VPS26C: variants seen among roughly 807,000 people sequenced by gnomAD.
VPS26C encodes the protein VPS26 endosomal protein sorting factor C, also known as vacuolar protein sorting-associated protein 26C.
In VPS26C, 19 loss-of-function variants were observed where a neutral mutation model predicts 30.6. The ratio of observed to expected loss-of-function variants is 0.62; its 90% CI spans 0.43 to 0.91. The LOEUF (loss-of-function observed/expected upper bound fraction) is 0.91, where lower values mean the gene tolerates loss of function less well. Among genes scored for constraint, VPS26C ranks in the 40% least tolerant of loss-of-function variants. The pLI is 0.00. For synonymous variants in VPS26C, 132 were observed against 151.5 expected, an observed-to-expected ratio of 0.87 and a Z score of 0.95; for missense variants, 318 against 385.1, an observed-to-expected ratio of 0.83 and a Z score of 1.46.
chr21:37,238,287 T>G, intron 3 of VPS26C, 173 bp downstream of exon 3: 1 of 712,856 alleles, frequency 1.4e-6, no homozygotes, highest in Non-Finnish European at 2.2e-6. Context: ...CGGCCATACA[T>G]CAAATGCATT....
Position 37,227,607 on chromosome 21 carries a change from G to A in VPS26C, c.811+47C>T, listed in dbSNP as rs776086874. On this transcript the variant is annotated intron_variant, in intron 7 of 7. Transcript: ENST00000309117. ...CCCACAGCAGGCCCTGGCGCTGAGC[G>A]GCCCTTCCCATGGGCCCATGAGGGC... 33 of 1,583,226 alleles carry A rather than the reference G, an allele frequency of 2.1e-5. No individual in the cohort carries two copies. The Admixed American group carries it at 2.3e-4, about 11-fold the overall frequency.
At chr21:37,228,525 A>G (rs1462720154) in intron 5 of VPS26C, 152 bp from the exon 6 acceptor site, 1 of 763,636 alleles carries the variant, frequency 1.3e-6, no homozygotes, top group Non-Finnish European at 2.1e-6. Flanking sequence ...GGAGCGAAGT[A>G]CTGACGTCTT....
rs1373754627 is a variant in VPS26C, at chr21:37,227,706, G to A, written c.759C>T (p.Val253=). 1 of 1,614,170 alleles carries A rather than the reference G, an allele frequency of 6.2e-7. No homozygotes were observed. Among genetic ancestry groups the A allele is most frequent in the East Asian group, 2.2e-5 (1 of 44,868 alleles). Reference sequence around the variant, plus strand: ...TAGGGCAGGTGAACAGCCTAGGGAAGACCATGTAGATGGGGACAGAGAGGC... The same window carrying A: ...TAGGGCAGGTGAACAGCCTAGGGAAAACCATGTAGATGGGGACAGAGAGGC... The part of the protein sequence containing the change: ...CRGLSVPIYM[V]FPRLFTCPTL... Residue 253 remains valine, a synonymous_variant, in exon 7 of 8, where the codon GTC becomes GTT. Coordinates refer to ENST00000309117, the MANE Select transcript of VPS26C (RefSeq NM_006052.2).
At chr21:37,241,124 C>T (rs1275152349) in intron 1 of VPS26C, among the ~76,000 whole-genome samples, 5 of 152,320 alleles carry the variant, frequency 3.3e-5, no homozygotes, top group South Asian at 2.1e-4. Flanking sequence ...TAATTTAACA[C>T]GATGGTTAGC....
intron 1 of VPS26C, among the ~76,000 whole-genome samples, chr21:37,241,655 AAAT>A (rs1043309364): frequency 9.9e-5 from 15 of 152,088 alleles, no homozygotes; most frequent in Non-Finnish European, 2.1e-4. Flanking sequence ...CCATCTCTAC[AAAT>A]AATAAGAAAA....
At chr21:37,244,130 G>A (rs917743900) in intron 1 of VPS26C, among the ~76,000 whole-genome samples, 24 of 152,356 alleles carry the variant, frequency 1.6e-4, no homozygotes, top group African/African-American at 5.3e-4. Context: ...CCAAAGAGCC[G>A]CCTGGAAACA....
At chr21:37,236,023 C>A (rs1229724968) in intron 3 of VPS26C, among the ~76,000 whole-genome samples, 6 of 151,908 alleles carry the variant, frequency 3.9e-5, no homozygotes, top group Admixed American at 3.3e-4. Context: ...GCCGCTGCAC[C>A]CAGCACGTCT....
intron 1 of VPS26C, among the ~76,000 whole-genome samples, chr21:37,246,063 A>G (rs1007534046): frequency 6.6e-6 from 1 of 152,114 alleles, no homozygotes; most frequent in Non-Finnish European, 1.5e-5. Flanking sequence ...TAACAAACAC[A>G]CAGCTATGCC....
At position 37,227,653 on chromosome 21, in the gene VPS26C, C is replaced by T; in HGVS notation, c.811+1G>A. The T allele has an allele frequency of 2.5e-6, 4 of 1,613,698 alleles. No individual in the cohort carries two copies. Among genetic ancestry groups the T allele is most frequent in the Non-Finnish European group, 3.4e-6 (4 of 1,179,644 alleles). ...AGGGCTGGGAGGCGAGTGCCACTTA[C>T]CCACTTTGAAGTTGGTGGTCTCCAG... On this transcript the variant is annotated splice_donor_variant, in intron 7 of 7. Transcript: ENST00000309117. LOFTEE classifies it high-confidence loss of function.
intron 2 of VPS26C, among the ~76,000 whole-genome samples, chr21:37,239,749 A>G (rs991369766): frequency 1.3e-5 from 2 of 151,988 alleles, no homozygotes. Context: ...GGCACACGCC[A>G]TCACACCCCG....
At chr21:37,227,325 C>T (rs1020224695) in intron 7 of VPS26C, 12 of 270,302 alleles carry the variant, frequency 4.4e-5, no homozygotes, top group African/African-American at 2.4e-4. Flanking sequence ...CGGAGCTCAG[C>T]GTCACCTGCC....
At chr21:37,243,231 G>C (rs2086105284) in intron 1 of VPS26C, among the ~76,000 whole-genome samples, 1 of 152,182 alleles carries the variant, frequency 6.6e-6, no homozygotes, top group African/African-American at 2.4e-5. Flanking sequence ...TATGGCTCCA[G>C]ATAGTACTAA....
intron 1 of VPS26C, among the ~76,000 whole-genome samples, chr21:37,265,162 T>A (rs746254431): frequency 1.8e-4 from 27 of 152,196 alleles, no homozygotes; most frequent in Non-Finnish European, 3.4e-4. Flanking sequence ...GCTAATGGGT[T>A]CAGGGTTTCT....
chr21:37,256,441 CATT>C (rs1343735994), intron 1 of VPS26C, among the ~76,000 whole-genome samples: 1 of 152,152 alleles, frequency 6.6e-6, no homozygotes, highest in African/African-American at 2.4e-5. Flanking sequence ...TTAAAATTGA[CATT>C]AGAATTTTAT....
At chr21:37,234,240 C>T (rs1419697841) in intron 3 of VPS26C, among the ~76,000 whole-genome samples, 1 of 152,274 alleles carries the variant, frequency 6.6e-6, no homozygotes, top group Non-Finnish European at 1.5e-5. Flanking sequence ...CTCTCTCCAT[C>T]TGCCAACACA....
chr21:37,258,395 T>A (rs564786640), intron 1 of VPS26C, among the ~76,000 whole-genome samples: 3 of 152,132 alleles, frequency 2.0e-5, no homozygotes, highest in South Asian at 2.1e-4. Flanking sequence ...AAAAGGAACA[T>A]GCGATGTGAC....
At chr21:37,249,004 C>T (rs1402055482) in intron 1 of VPS26C, among the ~76,000 whole-genome samples, 1 of 152,092 alleles carries the variant, frequency 6.6e-6, no homozygotes, top group Non-Finnish European at 1.5e-5. Context: ...TATATATAGT[C>T]ATCTCCATAG....
At chr21:37,239,413 G>A (rs373638643) in intron 2 of VPS26C, among the ~76,000 whole-genome samples, 17 of 152,298 alleles carry the variant, frequency 1.1e-4, no homozygotes, top group African/African-American at 4.1e-4. Flanking sequence ...TACAAGAATA[G>A]AGAAAGAGTT....
intron 5 of VPS26C, 133 bp from the exon 6 acceptor site, chr21:37,228,506 G>T: frequency 1.0e-6 from 1 of 953,464 alleles, no homozygotes; most frequent in Non-Finnish European, 1.6e-6. Context: ...CTCACAAAAC[G>T]GGAAGAAAGG....
Sources: gnomAD v4.1 joint callset for allele counts (sites outside exome capture counted in the v4.1 genomes callset) on GRCh38, gnomAD v4.1.1 for gene constraint, MANE v1.5 for transcripts, NCBI Gene and HGNC (gene_info 2026-07-23, HGNC 2026-07-21) for gene names.